GRIN2C: variants seen among roughly 807,000 people sequenced by gnomAD.
GRIN2C encodes glutamate ionotropic receptor NMDA type subunit 2C.
GRIN2C carries 64 observed loss-of-function variants against 77.7 expected under a neutral mutation model. The observed-to-expected ratio is 0.82, with a 90% confidence interval of 0.67 to 1.01. The LOEUF is 1.01. Ranked by LOEUF, GRIN2C falls within the 50% of genes least tolerant of loss-of-function variation. GRIN2C has a pLI of 0.00. For missense variants in GRIN2C, 1,549 were observed against 1,486.0 expected, an observed-to-expected ratio of 1.04 and a Z score of -0.70; for synonymous variants, 792 against 643.4, an observed-to-expected ratio of 1.23 and a Z score of -3.49.
In GRIN2C at chr17:74,842,503, G is replaced by T; in HGVS notation, c.3634C>A (p.Arg1212Ser). ...GGTCCCGGGAAGCCTTGCGTCCCACGGGCTACCCTGCTGATCTCGTCCAGT... is the reference window on the plus strand; with the variant it reads ...GGTCCCGGGAAGCCTTGCGTCCCACTGGCTACCCTGCTGATCTCGTCCAGT... Reference protein sequence around the residue: ...GGLDEISRVARGTQGFPGPCT... With the variant: ...GGLDEISRVASGTQGFPGPCT... Residue 1212 changes from arginine to serine, a missense_variant, in exon 13 of 13, where the codon CGT becomes AGT. Coordinates refer to ENST00000293190, the MANE Select transcript of GRIN2C (RefSeq NM_000835.6). 1.3e-6 allele frequency: 1 copy of T among 779,118 alleles called. No individual in the cohort carries two copies. Among genetic ancestry groups the T allele is most frequent in the East Asian group, 2.4e-5 (1 of 41,188 alleles). 48.3% of individuals were successfully genotyped at this position (779,118 alleles called of 1,614,324 possible).
Position 74,847,606 on chromosome 17 carries a change from C to A in GRIN2C, c.1772-69G>T. ...CCATGAAAGGGCTCAGGGCTCAGCC[C>A]ACCCGACTGCACAGCTCCGGTCTCA... On this transcript the variant is annotated intron_variant, in intron 8 of 12. Coordinates refer to ENST00000293190, the MANE Select transcript of GRIN2C (RefSeq NM_000835.6). The surrounding 1 kb of genome is among the most constrained non-coding windows in gnomAD (Gnocchi z 5.2). The A allele has an allele frequency of 8.7e-7, 1 of 1,148,534 alleles. No homozygotes were observed. Among genetic ancestry groups the A allele is most frequent in the Non-Finnish European group, 1.3e-6 (1 of 788,746 alleles). 71.1% of individuals were successfully genotyped at this position (1,148,534 alleles called of 1,614,324 possible).
In GRIN2C at chr17:74,844,308, A is replaced by T. The variant is rs2144546264; in HGVS notation, c.2551T>A (p.Ser851Thr). Residue 851 changes from serine (S) to threonine (T), a missense_variant, in exon 12 of 13, where the codon TCC (serine) becomes ACC (threonine). By Grantham distance (58) the Ser-to-Thr change is moderately conservative. This residue lies in a region of GRIN2C where 717 missense variants were observed against 858.1 expected (regional missense o/e 0.84). Transcript: ENST00000293190. ...WKLRHSVPNS[S>T]QLDFLLAFSR... ...AAAGCCAGCAGGAAGTCCAGCTGGG[A>T]TGAGTTGGGCACCGAGTGGCGCAGC... 1 of 1,614,040 alleles carries T rather than the reference A, an allele frequency of 6.2e-7. No individual in the cohort carries two copies. The highest frequency in any genetic ancestry group is 8.5e-7 in the Non-Finnish European group (1 of 1,179,978).
chr17:74,847,823 C>T lies in GRIN2C; in HGVS notation c.1771+29G>A. On this transcript the variant is annotated intron_variant, in intron 8 of 12. Coordinates refer to ENST00000293190, the MANE Select transcript of GRIN2C (RefSeq NM_000835.6). This position sits in a 1 kb window ranked among gnomAD's most constrained non-coding sequence, Gnocchi z 5.2. ...CAGCCCTCAGGGTGCCCAGGCCCAC[C>T]CCTCCTGCCGGGCCCAGGCAAGGCT... The T allele has an allele frequency of 1.2e-6, 2 of 1,613,440 alleles. No individual in the cohort carries two copies. Among genetic ancestry groups the T allele is most frequent in the African/African-American group, 1.3e-5 (1 of 75,030 alleles).
Position 74,842,836 on chromosome 17 carries a change from T to G in GRIN2C, c.3301A>C (p.Thr1101Pro). ...ARPSSLPAGC[T>P]GPACARPDGH... is the part of the protein sequence containing the mutation. ...TCGGGGCGGGCGCAGGCGGGGCCGG[T>G]GCACCCAGCGGGCAGCGAGCTGGGC... The change falls in exon 13 of 13, where the codon ACC becomes CCC. Residue 1101 changes from threonine (T) to proline (P), a missense_variant. Transcript: ENST00000293190. The G allele has an allele frequency of 6.7e-6, 4 of 592,796 alleles. No individual in the cohort carries two copies. Among genetic ancestry groups the G allele is most frequent in the Non-Finnish European group, 8.8e-6 (3 of 340,430 alleles). 36.7% of individuals were successfully genotyped at this position (592,796 alleles called of 1,614,324 possible). A position where few individuals can be genotyped will look rare whatever the true frequency, so the allele number is the denominator to read the frequency against.
At position 74,850,862 on chromosome 17, in the gene GRIN2C, CCTAGGGATG is replaced by C; in HGVS notation, c.1114-104_1114-96del. Reference sequence around the variant, plus strand: ...CAGGGCCAAGAATCTCCCTCTCTCACCTAGGGATGCTGGGGCAGGTCAGAGTAGGGCTGC... The same window carrying C: ...CAGGGCCAAGAATCTCCCTCTCTCACCTGGGGCAGGTCAGAGTAGGGCTGC... On this transcript the variant is annotated intron_variant, in intron 4 of 12. Transcript: ENST00000293190. This position sits in a 1 kb window ranked among gnomAD's most constrained non-coding sequence, Gnocchi z 5.3. 9.5e-7 allele frequency: 1 copy of C among 1,047,224 alleles called. No homozygotes were observed. Among genetic ancestry groups the C allele is most frequent in the Non-Finnish European group, 1.4e-6 (1 of 699,142 alleles). The allele number at this position is 1,047,224 out of a possible 1,614,324, so 64.9% of individuals were successfully genotyped here. A position where few individuals can be genotyped will look rare whatever the true frequency, so the allele number is the denominator to read the frequency against.
Position 74,852,531 on chromosome 17 carries a change from G to A in GRIN2C, c.480C>T (p.Tyr160=). 6.4e-7 allele frequency: 1 copy of A among 1,566,966 alleles called. No homozygotes were observed. ...TGATGACGGCGAAGGCGCTCCAGTC[G>A]TACTCTTCCAGCACCTTGAACAGCA... The part of the protein sequence containing the change: ...LQVLFKVLEE[Y]DWSAFAVITS... Residue 160 remains tyrosine (Y), a synonymous_variant, in exon 3 of 13, where the codon TAC becomes TAT. Transcript: ENST00000293190.
In GRIN2C at chr17:74,849,175, C is replaced by A. The variant is rs980462744; in HGVS notation, c.1645+605G>T. Among the ~76,000 whole-genome samples, 2 of 151,898 alleles carry A rather than the reference C, an allele frequency of 1.3e-5. No homozygotes were observed. The highest frequency in any genetic ancestry group is 1.3e-4 in the Admixed American group (2 of 15,268). Reference sequence around the variant, plus strand: ...GAGCCTGCTCAGAGAGGTTCTGTGACTTGCCCGAGGCCACACAGCAGGACA... The same window carrying A: ...GAGCCTGCTCAGAGAGGTTCTGTGAATTGCCCGAGGCCACACAGCAGGACA... On this transcript the variant is annotated intron_variant, in intron 7 of 12. Transcript: ENST00000293190. This position sits in a 1 kb window ranked among gnomAD's most constrained non-coding sequence, Gnocchi z 4.6.
Position 74,846,777 on chromosome 17 carries a change from G to A in GRIN2C, c.2145C>T (p.Leu715=), listed in dbSNP as rs768986966. The change falls in exon 10 of 13, where the codon CTC becomes CTT. Residue 715 remains leucine (L), a synonymous_variant. Transcript: ENST00000293190. The surrounding 1 kb of genome is among the most constrained non-coding windows in gnomAD (Gnocchi z 4.4). ...KFNQRSVEDA[L]TSLKMGKLDA... ...GGACCCACCCCATCTTGAGGCTGGT[G>A]AGCGCGTCCTCCACCGAGCGCTGGT... 4.3e-6 allele frequency: 7 copies of A among 1,613,752 alleles called. No individual in the cohort carries two copies. The Admixed American group carries it at 5.0e-5, about 12-fold the overall frequency.
chr17:74,846,079 C>T lies in GRIN2C; in HGVS notation c.2337G>A (p.Gln779=), dbSNP rs1297586744. 1.9e-6 allele frequency: 3 copies of T among 1,614,162 alleles called. No individual in the cohort carries two copies. The South Asian group carries it at 3.3e-5, about 18-fold the overall frequency. The change falls in exon 11 of 13, where the codon CAG becomes CAA. Residue 779 remains glutamine, a synonymous_variant. Transcript: ENST00000293190. This position sits in a 1 kb window ranked among gnomAD's most constrained non-coding sequence, Gnocchi z 4.4. ...WKRAIDLALL[Q]FLGDGETQKL... ...GGCAGTACCCACCGTCCCCCAGGAACTGCAAGAGCGCCAGGTCTATGGCCC... is the reference window on the plus strand; with the variant it reads ...GGCAGTACCCACCGTCCCCCAGGAATTGCAAGAGCGCCAGGTCTATGGCCC...
At chr17:74,848,726 C>T (rs1369102143) in intron 7 of GRIN2C, among the ~76,000 whole-genome samples, 2 of 151,588 alleles carry the variant, frequency 1.3e-5, no homozygotes, top group Non-Finnish European at 3.0e-5. Context: ...AAAGAAATCA[C>T]TACTATTGGC....
At chr17:74,860,459 C>T (rs1027464213), upstream of GRIN2C, 4 of 456,744 alleles carry the variant, frequency 8.8e-6, no homozygotes, top group South Asian at 6.2e-5. Context: ...CCAGCAGCTC[C>T]TTGCAGGGTC....
Position 74,847,300 on chromosome 17 carries a change from C to T in GRIN2C, c.2001+8G>A. On this transcript the variant is annotated splice_region_variant and intron_variant, in intron 9 of 12. Transcript: ENST00000293190. This position sits in a 1 kb window ranked among gnomAD's most constrained non-coding sequence, Gnocchi z 5.2. ...CCCCCCCACCCCCAGCAGCTATGGCCCCACAACCTTCTTGTCACTGAGGCC... is the reference window on the plus strand; with the variant it reads ...CCCCCCCACCCCCAGCAGCTATGGCTCCACAACCTTCTTGTCACTGAGGCC... 1.3e-6 allele frequency: 2 copies of T among 1,491,984 alleles called. No homozygotes were observed. The highest frequency in any genetic ancestry group is 1.9e-6 in the Non-Finnish European group (2 of 1,071,920). The allele number at this position is 1,491,984 out of a possible 1,614,324, so 92.4% of individuals were successfully genotyped here.
chr17:74,842,693 G>C lies in GRIN2C; in HGVS notation c.3444C>G (p.His1148Gln), dbSNP rs555170789. 2.2e-4 allele frequency: 160 copies of C among 722,606 alleles called. No individual in the cohort carries two copies. The East Asian group carries it at 4.2e-3, about 19-fold the overall frequency. The allele number at this position is 722,606 out of a possible 1,614,324, so 44.8% of individuals were successfully genotyped here. ...GGTGGGCGTGGGCGTGCAGGCAGAC[G>C]TGCTGTCTGTGCTGCCAGGCGGGGG... ...AGAPAWQHRQHVCLHAHAHLP... is the reference protein window; with the variant it reads ...AGAPAWQHRQQVCLHAHAHLP... The change falls in exon 13 of 13, where the codon CAC becomes CAG. Residue 1148 changes from histidine to glutamine, a missense_variant. Transcript: ENST00000293190.
At chr17:74,858,363 G>A (rs1303087755) in intron 1 of GRIN2C, among the ~76,000 whole-genome samples, 2 of 148,966 alleles carry the variant, frequency 1.3e-5, no homozygotes, top group African/African-American at 2.5e-5. Context: ...GGGTCGGGGG[G>A]TGGGGGAGTT....
chr17:74,849,082 A>G lies in GRIN2C; in HGVS notation c.1645+698T>C, dbSNP rs1393252192. Among the ~76,000 whole-genome samples the G allele has an allele frequency of 9.9e-5, 15 of 151,528 alleles. No individual in the cohort carries two copies. Among genetic ancestry groups the G allele is most frequent in the Admixed American group, 9.9e-4 (15 of 15,228 alleles). ...AGGAGAGAGGGAGGGAGGGAGGGAA[A>G]TCAATCCTGCCATGAGCACTTGCTA... On this transcript the variant is annotated intron_variant, in intron 7 of 12. Transcript: ENST00000293190. The surrounding 1 kb of genome is among the most constrained non-coding windows in gnomAD (Gnocchi z 4.6).
At chr17:74,856,025 G>A (rs1467678992) in intron 1 of GRIN2C, among the ~76,000 whole-genome samples, 1 of 152,228 alleles carries the variant, frequency 6.6e-6, no homozygotes, top group Non-Finnish European at 1.5e-5. Context: ...GGCCTCTCGG[G>A]CCATCACTGG....
chr17:74,848,110 G>T (rs182147976), intron 7 of GRIN2C, 133 bp from the exon 8 acceptor site: 1 of 913,990 alleles, frequency 1.1e-6, no homozygotes, highest in Non-Finnish European at 1.7e-6. Context: ...AGCCAAGGGG[G>T]CCTCTGACTC....
At position 74,849,710 on chromosome 17, in the gene GRIN2C, C is replaced by G; in HGVS notation, c.1645+70G>C. 1 of 1,457,244 alleles carries G rather than the reference C, an allele frequency of 6.9e-7. No individual in the cohort carries two copies. Among genetic ancestry groups the G allele is most frequent in the Non-Finnish European group, 9.3e-7 (1 of 1,072,680 alleles). The allele number at this position is 1,457,244 out of a possible 1,614,324, so 90.3% of individuals were successfully genotyped here. ...AGCCCACCCAACTCCCCATCCCCAC[C>G]CAAGCTGTACACACCCTCCTCGTGG... On this transcript the variant is annotated intron_variant, in intron 7 of 12. Coordinates refer to ENST00000293190, the MANE Select transcript of GRIN2C (RefSeq NM_000835.6). The surrounding 1 kb of genome is among the most constrained non-coding windows in gnomAD (Gnocchi z 4.6).
At position 74,847,252 on chromosome 17, in the gene GRIN2C, G is replaced by T. The variant is rs891934576; in HGVS notation, c.2001+56C>A. The stretch of plus-strand genomic sequence containing the variant: ...GACTGTCCAGGGCCTGCCCACTCAC[G>T]GCCTGTCCCCACCCTCAGTGCCCCC... On this transcript the variant is annotated intron_variant, in intron 9 of 12. Coordinates refer to ENST00000293190, the MANE Select transcript of GRIN2C (RefSeq NM_000835.6). The surrounding 1 kb of genome is among the most constrained non-coding windows in gnomAD (Gnocchi z 5.2). 9.3e-7 allele frequency: 1 copy of T among 1,080,320 alleles called. No homozygotes were observed. Among genetic ancestry groups the T allele is most frequent in the Non-Finnish European group, 1.4e-6 (1 of 716,474 alleles). The allele number at this position is 1,080,320 out of a possible 1,614,324, so 66.9% of individuals were successfully genotyped here.
Sources: gnomAD v4.1 joint callset for allele counts (sites outside exome capture counted in the v4.1 genomes callset) on GRCh38, gnomAD v4.1.1 for gene constraint, gnomAD v4.1.1 regional missense constraint, Gnocchi (gnomAD v3.1) non-coding constraint, MANE v1.5 for transcripts, NCBI Gene and HGNC (gene_info 2026-07-23, HGNC 2026-07-21) for gene names.